The following HIF3A variants were observed in gnomAD, a reference collection of about 807,000 sequenced individuals.
HIF3A encodes hypoxia inducible factor 3 subunit alpha.
HIF3A carries 41 observed loss-of-function variants against 67.2 expected under a neutral mutation model. The ratio of observed to expected loss-of-function variants is 0.61; its 90% CI spans 0.48 to 0.79. The LOEUF is 0.79. Ranked by LOEUF, HIF3A falls within the 30% of genes least tolerant of loss-of-function variation. The probability of loss-of-function intolerance (pLI) is 0.00; values close to 1 mark genes in which losing one functional copy is unlikely to be tolerated. For synonymous variants in HIF3A, 356 were observed against 374.8 expected, an observed-to-expected ratio of 0.95 and a Z score of 0.58; for missense variants, 855 against 898.0, an observed-to-expected ratio of 0.95 and a Z score of 0.61.
At chr19:46,305,219 C>A in intron 2 of HIF3A, 26 bp from the exon 3 acceptor site, 1 of 1,613,490 alleles carries the variant, frequency 6.2e-7, no homozygotes, top group Non-Finnish European at 8.5e-7. Flanking sequence ...CTAGAGATGC[C>A]CCCATCCCCC....
intron 1 of HIF3A, chr19:46,303,540 C>A: frequency 7.3e-7 from 1 of 1,369,156 alleles, no homozygotes; most frequent in Non-Finnish European, 9.9e-7. Flanking sequence ...TCAGCCAGCC[C>A]CCTCCCAGCA....
At position 46,305,258 on chromosome 19, in the gene HIF3A, G is replaced by C. The variant is rs767478847; in HGVS notation, c.231G>C (p.Gln77His). Reference sequence around the variant, plus strand: ...CCCGGGCACCAGGGGAGTGGAACCAGGTGGGAGCAGGGGGAGAACCACTGG... The same window carrying C: ...CCCGGGCACCAGGGGAGTGGAACCACGTGGGAGCAGGGGGAGAACCACTGG... ...HRLCAAGEWN[Q>H]VGAGGEPLDA... The change falls in exon 3 of 15, where the codon CAG (glutamine) becomes CAC (histidine). Residue 77 changes from glutamine (Q) to histidine (H), a missense_variant. This residue lies in a region of HIF3A where 638 missense variants were observed against 660.5 expected (regional missense o/e 0.97). Coordinates refer to ENST00000377670, the MANE Select transcript of HIF3A (RefSeq NM_152795.4). 1.2e-6 allele frequency: 2 copies of C among 1,614,060 alleles called. No homozygotes were observed. Among genetic ancestry groups the C allele is most frequent in the South Asian group, 1.1e-5 (1 of 91,086 alleles).
At chr19:46,318,546 C>T (rs1182504018) in intron 8 of HIF3A, among the ~76,000 whole-genome samples, 2 of 71,082 alleles carry the variant, frequency 2.8e-5, no homozygotes, top group African/African-American at 1.1e-4. Context: ...GAGATCCTGT[C>T]TCAAAAAAAA....
intron 8 of HIF3A, among the ~76,000 whole-genome samples, chr19:46,318,094 C>T (rs1403058773): frequency 1.3e-5 from 2 of 152,172 alleles, no homozygotes; most frequent in African/African-American, 4.8e-5. Context: ...CCTCAGCCTC[C>T]CAAAGTGCTG....
At chr19:46,308,094 A>G (rs1969055127) in intron 3 of HIF3A, 127 bp from the exon 4 acceptor site, 1 of 763,672 alleles carries the variant, frequency 1.3e-6, no homozygotes, top group African/African-American at 1.7e-5. Flanking sequence ...GGACAAATGG[A>G]TGGATAAATG....
At chr19:46,332,361 C>T (rs1971292916) in intron 13 of HIF3A, among the ~76,000 whole-genome samples, 1 of 150,722 alleles carries the variant, frequency 6.6e-6, no homozygotes, top group South Asian at 2.1e-4. Flanking sequence ...TAGTAAGATG[C>T]TGTCTGTACA....
At chr19:46,304,272 T>G (rs891468177) in intron 2 of HIF3A, 184 bp downstream of exon 2, 28 of 600,940 alleles carry the variant, frequency 4.7e-5, no homozygotes, top group Non-Finnish European at 2.9e-6. Flanking sequence ...CCGCCCCCTT[T>G]GAGTTCCTGG....
At chr19:46,299,354 C>A (rs1968134142) in intron 1 of HIF3A, among the ~76,000 whole-genome samples, 2 of 152,232 alleles carry the variant, frequency 1.3e-5, no homozygotes, top group South Asian at 4.1e-4. Context: ...GTTCAAATCC[C>A]ATCTCACCCA....
At chr19:46,322,031 T>A in intron 10 of HIF3A, 65 bp downstream of exon 10, 1 of 1,522,798 alleles carries the variant, frequency 6.6e-7, no homozygotes. Context: ...GGTCTTGGCC[T>A]GTGACTTAAA....
At chr19:46,302,413 A>T (rs2147113937) in intron 1 of HIF3A, among the ~76,000 whole-genome samples, 1 of 151,526 alleles carries the variant, frequency 6.6e-6, no homozygotes. Context: ...TACAGGCGTG[A>T]GCCACTGCGC....
In HIF3A at chr19:46,312,119, C is replaced by T. The variant is rs747424305; in HGVS notation, c.771-42C>T. On this transcript the variant is annotated intron_variant, in intron 6 of 14. Transcript: ENST00000377670. ...TCCCTCTGCCTACCCTCTCTCTCACCCAGTAGCATCCTGACCAGACCCCAC... is the reference window on the plus strand; with the variant it reads ...TCCCTCTGCCTACCCTCTCTCTCACTCAGTAGCATCCTGACCAGACCCCAC... The T allele has an allele frequency of 2.1e-6, 3 of 1,440,848 alleles. No individual in the cohort carries two copies. In the African/African-American group the frequency reaches 4.2e-5, roughly 20 times the overall value. The allele number at this position is 1,440,848 out of a possible 1,614,324, so 89.3% of individuals were successfully genotyped here.
chr19:46,338,042 C>G (rs1971751731), intron 14 of HIF3A, among the ~76,000 whole-genome samples: 5 of 152,168 alleles, frequency 3.3e-5, no homozygotes, highest in Admixed American at 3.3e-4. Flanking sequence ...CGCACTGTGC[C>G]TAGCTTTGTG....
rs1352422427 is a variant in HIF3A at position 46,304,330 on chromosome 19, C to A, written c.217+242C>A. On this transcript the variant is annotated intron_variant, in intron 2 of 14. Transcript: ENST00000377670. ...TCGAAGTCTATCACTTGTGAGGCCC[C>A]GCCCCTGGAACGCGCCCTTTGGAAG... The A allele has an allele frequency of 5.2e-6, 3 of 574,342 alleles. No individual in the cohort carries two copies. In the East Asian group the frequency reaches 8.7e-5, roughly 17 times the overall value. The allele number at this position is 574,342 out of a possible 1,614,324, so 35.6% of individuals were successfully genotyped here.
Position 46,304,693 on chromosome 19 carries a change from G to A in HIF3A, c.218-552G>A, listed in dbSNP as rs145335311. Among the ~76,000 whole-genome samples the A allele has an allele frequency of 3.5e-3, 535 of 152,240 alleles. 2 individuals carry two copies. Among genetic ancestry groups the A allele is most frequent in the African/African-American group, 0.012 (513 of 41,538 alleles). ...CGTGGAATCCCAGGACCCTGAAAGC[G>A]GGGGAAGTAGCGTTATTCTCTGGGA... is the stretch of plus-strand genomic sequence containing the variant. On this transcript the variant is annotated intron_variant, in intron 2 of 14. Transcript: ENST00000377670.
At chr19:46,320,391 G>A (rs1211320663) in intron 8 of HIF3A, 52 bp from the exon 9 acceptor site, 1 of 1,438,200 alleles carries the variant, frequency 7.0e-7, no homozygotes. Flanking sequence ...TTTCTGGGCT[G>A]GAGCCAAGGA....
In HIF3A at chr19:46,320,437, C is replaced by T. The variant is rs758403041; in HGVS notation, c.1026-6C>T. On this transcript the variant is annotated splice_region_variant and splice_polypyrimidine_tract_variant and intron_variant, in intron 8 of 14. Coordinates refer to ENST00000377670, the MANE Select transcript of HIF3A (RefSeq NM_152795.4). ...CTCCCACCTCCCTTTCTGCCTTGTA[C>T]CCCAGCCAGGTGGAAGAGACCGGAG... 1.1e-4 allele frequency: 184 copies of T among 1,610,158 alleles called. No individual in the cohort carries two copies. The highest frequency in any genetic ancestry group is 1.4e-4 in the Non-Finnish European group (169 of 1,176,584).
chr19:46,318,263 C>G (rs1970075314), intron 8 of HIF3A, among the ~76,000 whole-genome samples: 1 of 151,080 alleles, frequency 6.6e-6, no homozygotes, highest in Non-Finnish European at 1.5e-5. Context: ...CAGGCTGGAA[C>G]CACATTAAAA....
chr19:46,332,834 G>A (rs531543713), intron 13 of HIF3A, among the ~76,000 whole-genome samples: 4 of 151,850 alleles, frequency 2.6e-5, no homozygotes, highest in Non-Finnish European at 4.4e-5. Context: ...AAATACAAAC[G>A]TTAGCCGGGT....
At position 46,312,667 on chromosome 19, in the gene HIF3A, G is replaced by A; in HGVS notation, c.1025+14G>A. On this transcript the variant is annotated intron_variant, in intron 8 of 14. Transcript: ENST00000377670. ...TTTTTTAATCAGGTAAGCAGGAGGA[G>A]GGGCTGGGGTGGCTGTGTGTGGGCC... The A allele has an allele frequency of 1.3e-6, 2 of 1,543,800 alleles. No individual in the cohort carries two copies. The highest frequency in any genetic ancestry group is 1.3e-5 in the South Asian group (1 of 79,356).
Sources: allele counts gnomAD v4.1 joint callset (sites outside exome capture counted in the v4.1 genomes callset), GRCh38; gene constraint gnomAD v4.1.1; regional missense constraint gnomAD v4.1.1; transcripts MANE v1.5; gene names NCBI Gene and HGNC (gene_info 2026-07-23, HGNC 2026-07-21).